The following TENM2 variants were observed in gnomAD, a reference collection of about 807,000 sequenced individuals.
TENM2 encodes teneurin-2.
In TENM2, 52 loss-of-function variants were observed where a neutral mutation model predicts 245.2. The observed-to-expected ratio is 0.21, with a 90% CI of 0.17 to 0.27. The LOEUF (loss-of-function observed/expected upper bound fraction) is 0.27. Among genes scored for constraint, TENM2 ranks in the 10% least tolerant of loss-of-function variants. The pLI, the probability that TENM2 is intolerant of heterozygous loss-of-function variation, is 1.00. For missense variants in TENM2, 3,046 were observed against 3,666.8 expected (o/e 0.83, Z 4.37); for synonymous variants, 1,363 against 1,438.9 (o/e 0.95, Z 1.19).
At chr5:167,235,551 A>T in the TENM2 span, among the ~76,000 whole-genome samples, 1 of 152,328 alleles carries the variant, frequency 6.6e-6, no homozygotes, top group Admixed American at 6.5e-5. Context: ...ACACAGTTGG[A>T]TGCAAATGCT....
intron 13 of TENM2, among the ~76,000 whole-genome samples, chr5:168,173,181 A>G (rs1759006733): frequency 6.6e-6 from 1 of 152,138 alleles, no homozygotes; most frequent in Admixed American, 6.5e-5. Flanking sequence ...CATTTATGGG[A>G]GTCTGGAAAT....
chr5:168,009,615 G>A (rs1368932422), intron 5 of TENM2, among the ~76,000 whole-genome samples: 1 of 152,116 alleles, frequency 6.6e-6, no homozygotes, highest in South Asian at 2.1e-4. Context: ...CCGAAGTAAA[G>A]CATCAAATAG....
chr5:167,278,148 A>G, the TENM2 span, among the ~76,000 whole-genome samples: 1 of 152,012 alleles, frequency 6.6e-6, no homozygotes, highest in African/African-American at 2.4e-5. Context: ...CATAAAAAAT[A>G]CACAAATTAT....
chr5:167,208,803 A>G, the TENM2 span, among the ~76,000 whole-genome samples: 1 of 152,210 alleles, frequency 6.6e-6, no homozygotes, highest in Non-Finnish European at 1.5e-5. Context: ...ATTATTCCCA[A>G]TGTCTAAAAT....
chr5:167,560,454 G>A (rs181278417), intron 2 of TENM2, among the ~76,000 whole-genome samples: 10 of 151,968 alleles, frequency 6.6e-5, no homozygotes, highest in East Asian at 1.9e-4. Flanking sequence ...GCAGATATTC[G>A]GATTATAACC....
chr5:167,555,716 C>G (rs1773221953), intron 2 of TENM2, among the ~76,000 whole-genome samples: 1 of 152,126 alleles, frequency 6.6e-6, no homozygotes, highest in Admixed American at 6.5e-5. Flanking sequence ...AAATCCCTCC[C>G]TGACATGTTG....
At chr5:167,994,144 C>T (rs867352888) in intron 5 of TENM2, among the ~76,000 whole-genome samples, 1 of 152,228 alleles carries the variant, frequency 6.6e-6, no homozygotes, top group African/African-American at 2.4e-5. Context: ...ATTTGAAACA[C>T]TTGATGCTTG....
At chr5:167,809,680 T>C (rs1427513101) in intron 2 of TENM2, among the ~76,000 whole-genome samples, 1 of 152,000 alleles carries the variant, frequency 6.6e-6, no homozygotes, top group Non-Finnish European at 1.5e-5. Context: ...TGTTGGCTAA[T>C]TTTTTTTAAG....
the TENM2 span, among the ~76,000 whole-genome samples, chr5:167,240,624 CCTTTTCCAACGT>C: frequency 0.11 from 16,867 of 152,024 alleles, 1,205 homozygotes; most frequent in African/African-American, 0.2. Context: ...GCAGCCAGGT[CCTTTTCCAACGT>C]CTTTTCACGT....
At chr5:166,988,533 A>G in the TENM2 span, among the ~76,000 whole-genome samples, 1 of 152,336 alleles carries the variant, frequency 6.6e-6, no homozygotes, top group Non-Finnish European at 1.5e-5. Flanking sequence ...AACACAGAAT[A>G]CATCTGTGCA....
chr5:168,055,009 C>T (rs1045682242), intron 6 of TENM2, among the ~76,000 whole-genome samples: 3 of 152,168 alleles, frequency 2.0e-5, no homozygotes. Context: ...GAAGCCCCAA[C>T]TCTGGGAGAC....
chr5:167,947,686 C>T (rs1779744501), intron 3 of TENM2, among the ~76,000 whole-genome samples: 2 of 152,250 alleles, frequency 1.3e-5, no homozygotes, highest in East Asian at 1.9e-4. Flanking sequence ...CTTTTAGAAA[C>T]TTTAAATTGC....
intron 13 of TENM2, among the ~76,000 whole-genome samples, chr5:168,163,774 G>A (rs1415544261): frequency 6.6e-6 from 1 of 152,202 alleles, no homozygotes; most frequent in Non-Finnish European, 1.5e-5. Context: ...TAAGCTATGT[G>A]TCTACATGTA....
intron 2 of TENM2, among the ~76,000 whole-genome samples, chr5:167,644,260 T>C (rs192690406): frequency 3.2e-4 from 49 of 152,342 alleles, no homozygotes; most frequent in African/African-American, 1.2e-3. Flanking sequence ...AACTTGGTAA[T>C]AGGTGTTTCA....
the TENM2 span, among the ~76,000 whole-genome samples, chr5:167,023,423 T>C: frequency 1.3e-5 from 2 of 152,318 alleles, no homozygotes; most frequent in East Asian, 3.9e-4. Flanking sequence ...TATTGGTTTG[T>C]GTGGACACAA....
intron 6 of TENM2, among the ~76,000 whole-genome samples, chr5:168,060,334 A>T (rs1219640985): frequency 6.6e-6 from 1 of 152,144 alleles, no homozygotes; most frequent in African/African-American, 2.4e-5. Flanking sequence ...GGATCACTTG[A>T]GCCCAGGAGG....
intron 2 of TENM2, among the ~76,000 whole-genome samples, chr5:167,781,131 T>C (rs1169629800): frequency 6.6e-6 from 1 of 151,974 alleles, no homozygotes; most frequent in Non-Finnish European, 1.5e-5. Context: ...GGCAACATGG[T>C]GAACCACCAT....
chr5:167,884,644 T>TAAATGTG (rs1489449744), intron 3 of TENM2, among the ~76,000 whole-genome samples: 8 of 152,352 alleles, frequency 5.3e-5, no homozygotes, highest in Admixed American at 5.2e-4. Context: ...ATTTTGTTTA[T>TAAATGTG]TCACTCCTCC....
At chr5:167,186,443 G>A in the TENM2 span, among the ~76,000 whole-genome samples, 3 of 152,270 alleles carry the variant, frequency 2.0e-5, no homozygotes, top group South Asian at 4.1e-4. Flanking sequence ...GCTCTCCTCC[G>A]GTCTTCCCTT....
Sources: gnomAD v4.1 joint callset for allele counts (sites outside exome capture counted in the v4.1 genomes callset) on GRCh38, gnomAD v4.1.1 for gene constraint, MANE v1.5 for transcripts, NCBI Gene and HGNC (gene_info 2026-07-23, HGNC 2026-07-21) for gene names.